The following SV2B variants were observed in gnomAD, a reference collection of about 807,000 sequenced individuals.
The protein encoded by SV2B is solute carrier family 22 member B2.
Under a neutral mutation model 73.9 loss-of-function variants are expected in SV2B, and 41 were observed. The ratio of observed to expected loss-of-function variants is 0.56; its 90% CI spans 0.43 to 0.72. SV2B has a LOEUF of 0.72. Ranked by LOEUF, SV2B falls within the 30% of genes least tolerant of loss-of-function variation. The pLI, the probability that SV2B is intolerant of heterozygous loss-of-function variation, is 0.00. For missense variants in SV2B, 764 were observed against 857.8 expected (o/e 0.89, Z 1.37); for synonymous variants, 314 against 314.2 (o/e 1.00, Z 0.01).
chr15:91,171,532 G>A (rs1596516552), intron 1 of SV2B, among the ~76,000 whole-genome samples: 2 of 152,230 alleles, frequency 1.3e-5, no homozygotes, highest in Admixed American at 1.3e-4. Flanking sequence ...TGCTCCCCTG[G>A]TCTATTGGTT....
chr15:91,161,569 C>T (rs1318629731), intron 1 of SV2B, among the ~76,000 whole-genome samples: 4 of 152,176 alleles, frequency 2.6e-5, no homozygotes, highest in Admixed American at 6.5e-5. Flanking sequence ...GCTCTTTGCA[C>T]ATTCTAAGTC....
At chr15:91,254,500 G>A (rs910835231) in intron 4 of SV2B, among the ~76,000 whole-genome samples, 9 of 152,130 alleles carry the variant, frequency 5.9e-5, no homozygotes, top group African/African-American at 1.9e-4. Context: ...GCTTCCCAAA[G>A]TGCTGGGATT....
intron 1 of SV2B, among the ~76,000 whole-genome samples, chr15:91,160,411 C>T (rs2043670505): frequency 6.6e-6 from 1 of 152,128 alleles, no homozygotes; most frequent in Non-Finnish European, 1.5e-5. Context: ...AGTTTGAGAC[C>T]AGCCTAGCCA....
At chr15:91,199,671 G>C (rs899771438) in intron 1 of SV2B, among the ~76,000 whole-genome samples, 1 of 152,226 alleles carries the variant, frequency 6.6e-6, no homozygotes, top group South Asian at 2.1e-4. Flanking sequence ...GGAGCTGAGA[G>C]GGACCATCAG....
rs1202679689 is a variant in SV2B, at chr15:91,124,928, A to G, written c.-392+24565A>G. ...CTCGGCCTCCCAAAGTGCTGATATTACAGGTGTGAGCCACTGCGCCCAGCC... is the reference window on the plus strand; with the variant it reads ...CTCGGCCTCCCAAAGTGCTGATATTGCAGGTGTGAGCCACTGCGCCCAGCC... On this transcript the variant is annotated intron_variant, in intron 1 of 12. Transcript: ENST00000394232. The surrounding 1 kb of genome is among the most constrained non-coding windows in gnomAD (Gnocchi z 4.6). Among the ~76,000 whole-genome samples, 2 of 152,210 alleles carry G rather than the reference A, an allele frequency of 1.3e-5. No individual in the cohort carries two copies. The highest frequency in any genetic ancestry group is 4.8e-5 in the African/African-American group (2 of 41,452).
chr15:91,278,389 T>G (rs2048563919), intron 9 of SV2B, among the ~76,000 whole-genome samples: 1 of 152,068 alleles, frequency 6.6e-6, no homozygotes, highest in Non-Finnish European at 1.5e-5. Context: ...CCCCTACACC[T>G]GGAGAATGTA....
chr15:91,116,612 G>A (rs8031636), intron 1 of SV2B, among the ~76,000 whole-genome samples: 60,939 of 152,046 alleles, frequency 0.4, 13,451 homozygotes, highest in Middle Eastern at 0.49. Flanking sequence ...TGGAAGGGAA[G>A]CCTGTCTTAT....
At chr15:91,291,665 C>G (rs2049044210) in intron 12 of SV2B, among the ~76,000 whole-genome samples, 1 of 152,174 alleles carries the variant, frequency 6.6e-6, no homozygotes, top group Non-Finnish European at 1.5e-5. Context: ...CTGAAAAAGT[C>G]TAGAGTGGGT....
rs1438231861 is a variant in SV2B at position 91,223,786 on chromosome 15, C to A, written c.-391-2087C>A. Among the ~76,000 whole-genome samples the A allele has an allele frequency of 6.6e-6, 1 of 152,168 alleles. No homozygotes were observed. Among genetic ancestry groups the A allele is most frequent in the African/African-American group, 2.4e-5 (1 of 41,432 alleles). On this transcript the variant is annotated intron_variant, in intron 1 of 12. Coordinates refer to ENST00000394232, the MANE Select transcript of SV2B (RefSeq NM_001323032.3). The surrounding 1 kb of genome is among the most constrained non-coding windows in gnomAD (Gnocchi z 4.6). ...TTATTTACTGGAGATGGTGAAAAAT[C>A]GGAAAGAGTAGAGTGCGAATCATTT...
At chr15:91,111,862 A>AAG (rs374007807) in intron 1 of SV2B, among the ~76,000 whole-genome samples, 2 of 151,800 alleles carry the variant, frequency 1.3e-5, no homozygotes, top group African/African-American at 2.4e-5. Flanking sequence ...AAGCAGGAGC[A>AAG]AGAGAGAGAG....
intron 1 of SV2B, among the ~76,000 whole-genome samples, chr15:91,157,497 C>T (rs1420788908): frequency 1.3e-5 from 2 of 152,204 alleles, no homozygotes; most frequent in Non-Finnish European, 2.9e-5. Context: ...ACATAGCCTT[C>T]TTTGTGATGC....
intron 1 of SV2B, among the ~76,000 whole-genome samples, chr15:91,166,046 C>A (rs1023234523): frequency 2.7e-4 from 41 of 152,284 alleles, no homozygotes; most frequent in African/African-American, 9.4e-4. Flanking sequence ...TGTTTTCTGG[C>A]TTCCATGATT....
chr15:91,202,958 G>A (rs185231708), intron 1 of SV2B, among the ~76,000 whole-genome samples: 1 of 152,320 alleles, frequency 6.6e-6, no homozygotes, highest in Non-Finnish European at 1.5e-5. Flanking sequence ...CAGCTGGGGA[G>A]TGAGGGCTCC....
At chr15:91,259,378 C>A (rs1441883425) in intron 5 of SV2B, among the ~76,000 whole-genome samples, 1 of 152,140 alleles carries the variant, frequency 6.6e-6, no homozygotes, top group African/African-American at 2.4e-5. Flanking sequence ...CTCTTCCAGC[C>A]CCAATCTGCA....
intron 1 of SV2B, among the ~76,000 whole-genome samples, chr15:91,179,899 G>A (rs2044479047): frequency 1.3e-5 from 2 of 151,170 alleles, no homozygotes; most frequent in African/African-American, 4.9e-5. Context: ...TACATTTAAA[G>A]TTAATATTGT....
chr15:91,225,885 G>T lies in SV2B; in HGVS notation c.-379G>T. 1 of 234,100 alleles carries T rather than the reference G, an allele frequency of 4.3e-6. No homozygotes were observed. The highest frequency in any genetic ancestry group is 8.2e-6 in the Non-Finnish European group (1 of 122,230). 14.5% of individuals were successfully genotyped at this position (234,100 alleles called of 1,614,324 possible). A position where few individuals can be genotyped will look rare whatever the true frequency, so the allele number is the denominator to read the frequency against. ...TCTCTGTTCTCAGAGCATAACCTTC[G>T]GTGGCAGGACAAATCAGGCCAGCAC... On this transcript the variant is annotated 5_prime_UTR_variant, in exon 2 of 13. Coordinates refer to ENST00000394232, the MANE Select transcript of SV2B (RefSeq NM_001323032.3).
rs762765627 is a variant in SV2B, at chr15:91,139,577, G to A, written c.-392+39214G>A. Among the ~76,000 whole-genome samples the A allele has an allele frequency of 6.6e-6, 1 of 152,174 alleles. No individual in the cohort carries two copies. The highest frequency in any genetic ancestry group is 1.5e-5 in the Non-Finnish European group (1 of 68,032). On this transcript the variant is annotated intron_variant, in intron 1 of 12. Coordinates refer to ENST00000394232, the MANE Select transcript of SV2B (RefSeq NM_001323032.3). The surrounding 1 kb of genome is among the most constrained non-coding windows in gnomAD (Gnocchi z 5.2). ...GTAAGCCTTGGGCTAAGGGCACTAA[G>A]TTAAGCTGCAACCCCAGCTAAGGTG...
rs1004525780 is a variant in SV2B, at chr15:91,290,115, G to A, written c.1868+435G>A. Reference sequence around the variant, plus strand: ...GGGAATCTGCAGAGAATGTGGCAGGGAGGCCCAGGGGTTACTTTTATTTTG... The same window carrying A: ...GGGAATCTGCAGAGAATGTGGCAGGAAGGCCCAGGGGTTACTTTTATTTTG... On this transcript the variant is annotated intron_variant, in intron 12 of 12. Coordinates refer to ENST00000394232, the MANE Select transcript of SV2B (RefSeq NM_001323032.3). This position sits in a 1 kb window ranked among gnomAD's most constrained non-coding sequence, Gnocchi z 4.7. Among the ~76,000 whole-genome samples the A allele has an allele frequency of 6.6e-6, 1 of 152,188 alleles. No individual in the cohort carries two copies. The highest frequency in any genetic ancestry group is 2.4e-5 in the African/African-American group (1 of 41,418).
intron 2 of SV2B, among the ~76,000 whole-genome samples, chr15:91,243,484 A>G (rs968991111): frequency 2.6e-5 from 4 of 152,164 alleles, no homozygotes; most frequent in Non-Finnish European, 5.9e-5. Flanking sequence ...CCTCTGCCCC[A>G]AGGCTAAGGT....
Sources: allele counts gnomAD v4.1 joint callset (sites outside exome capture counted in the v4.1 genomes callset), GRCh38; gene constraint gnomAD v4.1.1; non-coding constraint Gnocchi (gnomAD v3.1); transcripts MANE v1.5; gene names NCBI Gene and HGNC (gene_info 2026-07-23, HGNC 2026-07-21).